The following CRYZL1 variants were observed in gnomAD, a reference collection of about 807,000 sequenced individuals.
CRYZL1 encodes the protein crystallin zeta like 1.
CRYZL1 carries 34 observed loss-of-function variants against 50.6 expected under a neutral mutation model. The observed-to-expected ratio is 0.67, with a 90% CI of 0.51 to 0.89. The LOEUF is 0.89. Among genes scored for constraint, CRYZL1 ranks in the 40% least tolerant of loss-of-function variants. The pLI, the probability that CRYZL1 is intolerant of heterozygous loss-of-function variation, is 0.00. For missense variants in CRYZL1, 354 were observed against 402.3 expected, an observed-to-expected ratio of 0.88 and a Z score of 1.03; for synonymous variants, 125 against 134.3, an observed-to-expected ratio of 0.93 and a Z score of 0.48.
At position 33,602,235 on chromosome 21, in the gene CRYZL1, T is replaced by A; in HGVS notation, c.576A>T (p.Ile192=). ...GTCTGTGCTCATAATATTACCCACCTATGGGAGGTCTGAATCTTTCAAGGC... is the reference window on the plus strand; with the variant it reads ...GTCTGTGCTCATAATATTACCCACCAATGGGAGGTCTGAATCTTTCAAGGC... The part of the protein sequence containing the change: ...KQCLERFRPP[I]ARVIDVSNGK... Residue 192 remains isoleucine, a splice_region_variant and synonymous_variant, in exon 8 of 13, where the codon ATA becomes ATT. Transcript: ENST00000381554. 1 of 1,516,044 alleles carries A rather than the reference T, an allele frequency of 6.6e-7. No individual in the cohort carries two copies. The highest frequency in any genetic ancestry group is 9.2e-7 in the Non-Finnish European group (1 of 1,090,536). 93.9% of individuals were successfully genotyped at this position (1,516,044 alleles called of 1,614,324 possible). A position where few individuals can be genotyped will look rare whatever the true frequency, so the allele number is the denominator to read the frequency against.
chr21:33,621,233 G>A (rs2086996693), intron 4 of CRYZL1, among the ~76,000 whole-genome samples: 1 of 150,432 alleles, frequency 6.6e-6, no homozygotes, highest in East Asian at 2.0e-4. Flanking sequence ...GCTTCCCTGG[G>A]CCATACTGGA....
intron 2 of CRYZL1, among the ~76,000 whole-genome samples, chr21:33,626,127 T>C (rs1205328679): frequency 6.6e-6 from 1 of 151,848 alleles, no homozygotes; most frequent in Non-Finnish European, 1.5e-5. Flanking sequence ...CTAATTTTTT[T>C]TTGTATTTTT....
chr21:33,636,437 G>C (rs1235890999), intron 1 of CRYZL1, among the ~76,000 whole-genome samples: 2 of 152,032 alleles, frequency 1.3e-5, no homozygotes, highest in Non-Finnish European at 2.9e-5. Context: ...GAAAAGCATA[G>C]AAATTTTATA....
At chr21:33,603,793 CT>C (rs2145925757) in intron 6 of CRYZL1, among the ~76,000 whole-genome samples, 1 of 152,238 alleles carries the variant, frequency 6.6e-6, no homozygotes, top group East Asian at 1.9e-4. Context: ...TAAAATATAG[CT>C]GGATGAATAA....
intron 6 of CRYZL1, among the ~76,000 whole-genome samples, chr21:33,610,316 C>G: frequency 6.6e-6 from 1 of 152,018 alleles, no homozygotes; most frequent in Non-Finnish European, 1.5e-5. Flanking sequence ...TGTGCCACCA[C>G]AGCTGGCTAA....
At chr21:33,609,403 G>A (rs577189356) in intron 6 of CRYZL1, among the ~76,000 whole-genome samples, 3 of 151,978 alleles carry the variant, frequency 2.0e-5, no homozygotes, top group African/African-American at 7.2e-5. Flanking sequence ...AGGTTCAAGC[G>A]ATTCTTCCTT....
chr21:33,607,793 C>T (rs146339620), intron 6 of CRYZL1, among the ~76,000 whole-genome samples: 138 of 152,268 alleles, frequency 9.1e-4, no homozygotes, highest in Middle Eastern at 6.8e-3. Context: ...TGAAATTATT[C>T]CCTTTTACAA....
chr21:33,627,966 C>T (rs893935999), intron 2 of CRYZL1, among the ~76,000 whole-genome samples: 3 of 151,930 alleles, frequency 2.0e-5, no homozygotes, highest in African/African-American at 4.8e-5. Context: ...AGGACGGTCT[C>T]GATCTCCTGA....
chr21:33,607,042 A>G (rs989551575), intron 6 of CRYZL1, among the ~76,000 whole-genome samples: 3 of 152,116 alleles, frequency 2.0e-5, no homozygotes, highest in Admixed American at 1.3e-4. Flanking sequence ...AATAAATGCG[A>G]GCCATATTTC....
chr21:33,617,058 A>G (rs1052038827), intron 4 of CRYZL1: 7 of 178,196 alleles, frequency 3.9e-5, no homozygotes, highest in African/African-American at 1.2e-4. Flanking sequence ...GCTCTTGTCA[A>G]CCAGGCTGGA....
chr21:33,639,026 T>C (rs1031545329), intron 1 of CRYZL1, among the ~76,000 whole-genome samples: 5 of 152,258 alleles, frequency 3.3e-5, no homozygotes, highest in South Asian at 2.1e-4. Context: ...CTACATCTTA[T>C]GCAACTTGAG....
intron 8 of CRYZL1, 28 bp from the exon 9 acceptor site, chr21:33,599,276 G>GTAC: frequency 6.2e-7 from 1 of 1,613,566 alleles, no homozygotes; most frequent in Non-Finnish European, 8.5e-7. Flanking sequence ...TCAGGCAATT[G>GTAC]TACTGTTCTC....
At chr21:33,601,745 G>A (rs955917584) in intron 8 of CRYZL1, among the ~76,000 whole-genome samples, 2 of 152,008 alleles carry the variant, frequency 1.3e-5, no homozygotes, top group Middle Eastern at 3.4e-3. Flanking sequence ...GGCTAAACCC[G>A]TCTCTACAAA....
At chr21:33,610,715 C>G (rs972203655) in intron 6 of CRYZL1, among the ~76,000 whole-genome samples, 1 of 148,690 alleles carries the variant, frequency 6.7e-6, no homozygotes, top group East Asian at 2.0e-4. Context: ...AAGGAATGGG[C>G]CTTGTTTGGT....
At chr21:33,611,304 C>T (rs2086871103) in intron 6 of CRYZL1, among the ~76,000 whole-genome samples, 1 of 152,188 alleles carries the variant, frequency 6.6e-6, no homozygotes. Flanking sequence ...AAGACACACA[C>T]TTGGCTCCTC....
intron 9 of CRYZL1, among the ~76,000 whole-genome samples, chr21:33,598,461 G>T (rs1410523880): frequency 6.6e-6 from 1 of 152,220 alleles, no homozygotes; most frequent in African/African-American, 2.4e-5. Context: ...TATTACTTAA[G>T]TGTGTTCAGA....
At position 33,603,468 on chromosome 21, in the gene CRYZL1, G is replaced by A. The variant is rs553893063; in HGVS notation, c.401C>T (p.Thr134Ile). Residue 134 changes from threonine to isoleucine, a missense_variant, in exon 7 of 13, where the codon ACA becomes ATA. Thr to Ile is a moderately conservative substitution (Grantham distance 89). Coordinates refer to ENST00000381554, the MANE Select transcript of CRYZL1 (RefSeq NM_145858.3). Reference protein sequence around the residue: ...GSIRDGVRAYTALHYLSHLSP... With the variant: ...GSIRDGVRAYIALHYLSHLSP... ...GAGATGAGAAAGATAATGCAGAGCTGTATAGGCACGCACTCCATCCCGAAT... is the reference window on the plus strand; with the variant it reads ...GAGATGAGAAAGATAATGCAGAGCTATATAGGCACGCACTCCATCCCGAAT... 21 of 1,614,166 alleles carry A rather than the reference G, an allele frequency of 1.3e-5. No homozygotes were observed. Among genetic ancestry groups the A allele is most frequent in the Middle Eastern group, 3.3e-4 (2 of 6,062 alleles).
In CRYZL1 at chr21:33,623,721, T is replaced by C. The variant is rs922147061; in HGVS notation, c.144+962A>G. 5.9e-5 allele frequency among the ~76,000 whole-genome samples: 9 copies of C among 152,150 alleles called. No individual in the cohort carries two copies. The East Asian group carries it at 1.5e-3, about 26-fold the overall frequency. ...TATAGTCACATTATAATCCAATAAG[T>C]TACGGGTCATGTAAACTATGGCATT... On this transcript the variant is annotated intron_variant, in intron 3 of 12. Coordinates refer to ENST00000381554, the MANE Select transcript of CRYZL1 (RefSeq NM_145858.3).
chr21:33,592,429 C>A lies in CRYZL1; in HGVS notation c.905-1222G>T, dbSNP rs573274349. Among the ~76,000 whole-genome samples, 6 of 152,140 alleles carry A rather than the reference C, an allele frequency of 3.9e-5. No homozygotes were observed. The South Asian group carries it at 1.0e-3, about 26-fold the overall frequency. The stretch of plus-strand genomic sequence containing the variant: ...TGGGATTACAGGCATGAGCCACTGC[C>A]CCCAGCCTCCAAATATTTTTGATCC... On this transcript the variant is annotated intron_variant, in intron 11 of 12. Transcript: ENST00000381554.
Sources: gnomAD v4.1 joint callset for allele counts (sites outside exome capture counted in the v4.1 genomes callset) on GRCh38, gnomAD v4.1.1 for gene constraint, MANE v1.5 for transcripts, NCBI Gene and HGNC (gene_info 2026-07-23, HGNC 2026-07-21) for gene names.